The following SMYD4 variants were observed in gnomAD, a reference collection of about 807,000 sequenced individuals.
The protein encoded by SMYD4 is SET and MYND domain containing 4.
Under a neutral mutation model 72.8 loss-of-function variants are expected in SMYD4, and 68 were observed. The observed-to-expected ratio is 0.93, with a 90% confidence interval of 0.77 to 1.14. The LOEUF (loss-of-function observed/expected upper bound fraction) is 1.14. Among genes scored for constraint, SMYD4 ranks in the 50% most tolerant of loss-of-function variants. SMYD4 has a pLI of 0.00. For missense variants in SMYD4, 984 were observed against 1,003.7 expected, an observed-to-expected ratio of 0.98 and a Z score of 0.27; for synonymous variants, 407 against 388.6, an observed-to-expected ratio of 1.05 and a Z score of -0.56.
intron 7 of SMYD4, among the ~76,000 whole-genome samples, chr17:1,785,181 G>A (rs1397279122): frequency 1.3e-5 from 2 of 149,928 alleles, no homozygotes; most frequent in African/African-American, 4.9e-5. Context: ...CCAGCACTTT[G>A]GGAGGGCGAG....
intron 4 of SMYD4, 76 bp downstream of exon 4, chr17:1,804,550 C>G (rs1174218485): frequency 1.6e-5 from 20 of 1,239,784 alleles, no homozygotes; most frequent in Non-Finnish European, 2.4e-5. Context: ...ATGGAAGAAG[C>G]AGAGATGAAG....
chr17:1,827,866 AAGTGAAGAGG>A lies in SMYD4; in HGVS notation c.119_128del (p.Ser40PhefsTer10), dbSNP rs775644854. 19 of 1,599,002 alleles carry A rather than the reference AAGTGAAGAGG, an allele frequency of 1.2e-5. No individual in the cohort carries two copies. Among genetic ancestry groups the A allele is most frequent in the Non-Finnish European group, 1.5e-5 (18 of 1,167,546 alleles). ...TTAAAGCTTGATTTACTTACTGAAG[AAGTGAAGAGG>A]AGTGAAGAAAGATATCCCTCAAGGT... On this transcript the variant is annotated frameshift_variant, in exon 2 of 11. Coordinates refer to ENST00000305513, the MANE Select transcript of SMYD4 (RefSeq NM_052928.3). LOFTEE classifies it high-confidence loss of function.
intron 5 of SMYD4, among the ~76,000 whole-genome samples, chr17:1,794,039 ATG>A (rs759072336): frequency 0.012 from 839 of 67,914 alleles, 36 homozygotes; most frequent in Non-Finnish European, 0.015. Flanking sequence ...ATATATATGT[ATG>A]TATATATATA....
chr17:1,784,862 C>A (rs937840266), intron 7 of SMYD4, among the ~76,000 whole-genome samples: 1 of 151,888 alleles, frequency 6.6e-6, no homozygotes, highest in Non-Finnish European at 1.5e-5. Flanking sequence ...CTCCGCCTCC[C>A]GGGTTCACGC....
chr17:1,795,747 G>GCTT (rs1555575985), intron 5 of SMYD4, among the ~76,000 whole-genome samples: 1 of 128,466 alleles, frequency 7.8e-6, no homozygotes, highest in Admixed American at 7.9e-5. Flanking sequence ...TGGCCCGTGA[G>GCTT]TTTTTTTTTT....
Position 1,798,873 on chromosome 17 carries a change from T to TG in SMYD4, c.1537+983dup, listed in dbSNP as rs1368950215. On this transcript the variant is annotated intron_variant, in intron 5 of 10. Transcript: ENST00000305513. ...GAGATTGCGCCACTGCACTCCAGCC[T>TG]GGGAAAGAGCAAGACTCTGTCTCAA... Among the ~76,000 whole-genome samples the TG allele has an allele frequency of 3.3e-5, 5 of 151,128 alleles. No individual in the cohort carries two copies. The East Asian group carries it at 9.7e-4, about 29-fold the overall frequency.
intron 10 of SMYD4, chr17:1,782,479 A>C (rs199610431): frequency 1.7e-3 from 19 of 11,376 alleles, no homozygotes; most frequent in African/African-American, 6.0e-3. Context: ...ACCCCTTCTC[A>C]AAAAAAAAAA....
At chr17:1,827,832 A>G (rs1911271764) in intron 2 of SMYD4, 29 bp downstream of exon 2, 1 of 1,577,414 alleles carries the variant, frequency 6.3e-7, no homozygotes, top group South Asian at 1.1e-5. Context: ...TTGGCTCACA[A>G]TTCCCTTGTT....
At chr17:1,810,357 C>T (rs1910266336) in intron 3 of SMYD4, among the ~76,000 whole-genome samples, 2 of 151,892 alleles carry the variant, frequency 1.3e-5, no homozygotes, top group Admixed American at 6.6e-5. Context: ...GCCAACATGG[C>T]GAAAACCCAT....
At chr17:1,823,561 G>A (rs1456335539) in intron 2 of SMYD4, among the ~76,000 whole-genome samples, 1 of 152,154 alleles carries the variant, frequency 6.6e-6, no homozygotes, top group Non-Finnish European at 1.5e-5. Context: ...CCTGGGTACT[G>A]AGACTCCCCT....
chr17:1,791,775 A>G (rs549795312), intron 5 of SMYD4, among the ~76,000 whole-genome samples: 1 of 152,248 alleles, frequency 6.6e-6, no homozygotes, highest in Non-Finnish European at 1.5e-5. Context: ...TAATCCCAGC[A>G]CTTTGGGAGG....
chr17:1,809,727 T>G (rs958012421), intron 3 of SMYD4, among the ~76,000 whole-genome samples: 6 of 148,930 alleles, frequency 4.0e-5, no homozygotes, highest in Middle Eastern at 3.5e-3. Context: ...TGGAGTGCAG[T>G]GGCGCGATCT....
intron 5 of SMYD4, among the ~76,000 whole-genome samples, chr17:1,794,081 G>GTGTGTA (rs1454228796): frequency 3.5e-4 from 6 of 17,124 alleles, no homozygotes; most frequent in South Asian, 1.7e-3. Flanking sequence ...ATATATATGT[G>GTGTGTA]TATATATATA....
intron 2 of SMYD4, among the ~76,000 whole-genome samples, chr17:1,816,021 A>G (rs1191969965): frequency 1.3e-5 from 2 of 152,052 alleles, no homozygotes; most frequent in Non-Finnish European, 2.9e-5. Flanking sequence ...TTTTTTAAGC[A>G]TACAGTTCAC....
At position 1,804,673 on chromosome 17, in the gene SMYD4, A is replaced by C; in HGVS notation, c.322T>G (p.Cys108Gly). The C allele has an allele frequency of 6.2e-7, 1 of 1,613,784 alleles. No homozygotes were observed. Among genetic ancestry groups the C allele is most frequent in the South Asian group, 1.1e-5 (1 of 91,086 alleles). Reference protein sequence around the residue: ...SRPNTEDMSLCHANRSAALFH... With the variant: ...SRPNTEDMSLGHANRSAALFH... Reference sequence around the variant, plus strand: ...AGGGCTGCCGAGCGGTTAGCATGACACAGTGACATGTCCTCAGTGTTAGGC... The same window carrying C: ...AGGGCTGCCGAGCGGTTAGCATGACCCAGTGACATGTCCTCAGTGTTAGGC... Residue 108 changes from cysteine to glycine, a missense_variant, in exon 4 of 11, where the codon TGT becomes GGT. Cys to Gly is a radical substitution (Grantham distance 159, BLOSUM62 -3). Coordinates refer to ENST00000305513, the MANE Select transcript of SMYD4 (RefSeq NM_052928.3).
rs1909624961 is a variant in SMYD4, at chr17:1,799,996, CCT to C, written c.1396_1397del (p.Arg466AspfsTer8). 2 of 1,614,006 alleles carry C rather than the reference CCT, an allele frequency of 1.2e-6. No individual in the cohort carries two copies. Among genetic ancestry groups the C allele is most frequent in the South Asian group, 1.1e-5 (1 of 91,084 alleles). ...CTTTAAGCTGAGAGGAGTTCACAAT[CCT>C]CTCAGTTGGGATGGCCTGTAAACTG... ...AASLQAIPTE[R>X]IVNSSQLKAA... On this transcript the variant is annotated frameshift_variant, in exon 5 of 11. Coordinates refer to ENST00000305513, the MANE Select transcript of SMYD4 (RefSeq NM_052928.3). LOFTEE classifies it high-confidence loss of function.
At chr17:1,828,583 T>TGC (rs1412101967) in intron 1 of SMYD4, among the ~76,000 whole-genome samples, 1 of 71,686 alleles carries the variant, frequency 1.4e-5, no homozygotes, top group East Asian at 2.7e-4. Context: ...AGCTACCATC[T>TGC]GTGCTCTTAG....
intron 7 of SMYD4, among the ~76,000 whole-genome samples, chr17:1,785,423 T>C (rs371847501): frequency 2.0e-4 from 21 of 106,474 alleles, no homozygotes; most frequent in African/African-American, 6.9e-4. Context: ...AGAGACTCTG[T>C]CTCACAAAAG....
intron 5 of SMYD4, among the ~76,000 whole-genome samples, chr17:1,795,719 C>T (rs1012206471): frequency 6.7e-6 from 1 of 148,716 alleles, no homozygotes; most frequent in Non-Finnish European, 1.5e-5. Context: ...TGGGATTACA[C>T]GCATGAGCCA....
Sources: gnomAD v4.1 joint callset for allele counts (sites outside exome capture counted in the v4.1 genomes callset) on GRCh38, gnomAD v4.1.1 for gene constraint, MANE v1.5 for transcripts, NCBI Gene and HGNC (gene_info 2026-07-23, HGNC 2026-07-21) for gene names.